The following POTEF variants were observed in gnomAD, a reference collection of about 807,000 sequenced individuals.
The protein encoded by POTEF is ANKRD26-like family C member 1B.
In POTEF, 20 loss-of-function variants were observed where a neutral mutation model predicts 83.2. That is an observed-to-expected ratio of 0.24 (90% CI 0.17 to 0.35). POTEF has a LOEUF of 0.35. POTEF is among the 10% of genes least tolerant of loss of function. POTEF has a pLI of 1.00. For synonymous variants in POTEF, 196 were observed against 446.4 expected (o/e 0.44, Z 7.07); for missense variants, 550 against 1,203.2 (o/e 0.46, Z 8.03).
chr2:130,090,749 G>T (rs1393193563), intron 12 of POTEF, among the ~76,000 whole-genome samples: 1 of 141,100 alleles, frequency 7.1e-6, no homozygotes, highest in East Asian at 2.1e-4. Flanking sequence ...GCATAACGAA[G>T]GCCAACATAG....
At chr2:130,125,324 TAG>T (rs1383566355) in intron 2 of POTEF, among the ~76,000 whole-genome samples, 1 of 148,176 alleles carries the variant, frequency 6.7e-6, no homozygotes, top group Non-Finnish European at 1.5e-5. Flanking sequence ...GACAAAAATT[TAG>T]ATATTATCTC....
At chr2:130,116,324 A>T (rs1684843513) in intron 3 of POTEF, among the ~76,000 whole-genome samples, 1 of 150,860 alleles carries the variant, frequency 6.6e-6, no homozygotes, top group Non-Finnish European at 1.5e-5. Flanking sequence ...AAACGGATTT[A>T]TGAAACGATT....
chr2:130,114,203 C>T (rs1042559003), intron 5 of POTEF, among the ~76,000 whole-genome samples: 11 of 150,916 alleles, frequency 7.3e-5, no homozygotes, highest in Admixed American at 1.3e-4. Flanking sequence ...AACCCACTAA[C>T]TCCCTCTCCC....
intron 8 of POTEF, among the ~76,000 whole-genome samples, chr2:130,107,106 G>A (rs3931948): frequency 0.52 from 70,069 of 135,118 alleles, 19,837 homozygotes; most frequent in Admixed American, 0.65. Flanking sequence ...TAGCATACTA[G>A]CATTTTTGTT....
chr2:130,104,097 G>GA (rs1200491002), intron 8 of POTEF, among the ~76,000 whole-genome samples: 2 of 150,198 alleles, frequency 1.3e-5, no homozygotes, highest in African/African-American at 5.0e-5. Context: ...AAGACAAGGT[G>GA]ACAGATAGCT....
intron 5 of POTEF, among the ~76,000 whole-genome samples, chr2:130,114,304 C>T (rs954086637): frequency 1.3e-5 from 2 of 151,852 alleles, no homozygotes; most frequent in African/African-American, 4.9e-5. Context: ...ACAACACACA[C>T]ACACACAACC....
intron 2 of POTEF, among the ~76,000 whole-genome samples, chr2:130,127,045 G>A (rs1168310934): frequency 6.6e-6 from 1 of 151,992 alleles, no homozygotes; most frequent in Non-Finnish European, 1.5e-5. Flanking sequence ...AAAATGGCCG[G>A]GAGTGGTGGC....
rs1350955512 is a variant in POTEF at position 130,108,011 on chromosome 2, G to A, written c.1124C>T (p.Pro375Leu). ...TAATTCACTATCACAAGTCTTACCT[G>A]GATTGCTGTTTTCAGAAGAGATTTT... is the stretch of plus-strand genomic sequence containing the variant. ...MLKISSENSN[P>L]EQDLKLTSEE... Residue 375 changes from proline to leucine, a missense_variant and splice_region_variant, in exon 8 of 17, where the codon CCA becomes CTA. Coordinates refer to ENST00000409914, the MANE Select transcript of POTEF (RefSeq NM_001099771.2). 5.6e-6 allele frequency: 9 copies of A among 1,608,124 alleles called. No individual in the cohort carries two copies. Among genetic ancestry groups the A allele is most frequent in the South Asian group, 5.5e-5 (5 of 90,254 alleles).
intron 3 of POTEF, among the ~76,000 whole-genome samples, chr2:130,118,271 A>G (rs535024114): frequency 3.3e-4 from 50 of 152,054 alleles, no homozygotes; most frequent in Non-Finnish European, 6.5e-4. Context: ...AATAGAAAAC[A>G]GTATTTCATT....
At chr2:130,103,098 CTTTCTT>C (rs1431774005) in intron 8 of POTEF, among the ~76,000 whole-genome samples, 3 of 122,432 alleles carry the variant, frequency 2.5e-5, no homozygotes, top group Admixed American at 1.0e-4. Context: ...ATTTTTCTTT[CTTTCTT>C]TTTTTTTTTT....
At chr2:130,105,145 G>T (rs1041531540) in intron 8 of POTEF, among the ~76,000 whole-genome samples, 1 of 139,186 alleles carries the variant, frequency 7.2e-6, no homozygotes, top group African/African-American at 2.8e-5. Context: ...TCATATTGAC[G>T]ATACCTCTCT....
intron 5 of POTEF, among the ~76,000 whole-genome samples, chr2:130,113,307 A>G (rs1684759907): frequency 8.6e-6 from 1 of 115,648 alleles, no homozygotes; most frequent in Non-Finnish European, 1.8e-5. Context: ...ACACCACTGC[A>G]TTCCAGCCTG....
intron 5 of POTEF, among the ~76,000 whole-genome samples, chr2:130,114,513 C>T (rs1004843861): frequency 3.7e-4 from 54 of 146,538 alleles, no homozygotes; most frequent in Middle Eastern, 6.9e-3. Flanking sequence ...TTCACTGAAA[C>T]ATGTTTAACT....
intron 5 of POTEF, among the ~76,000 whole-genome samples, chr2:130,112,862 ACT>A (rs1048416926): frequency 6.6e-6 from 1 of 151,260 alleles, no homozygotes; most frequent in African/African-American, 2.5e-5. Flanking sequence ...AATTGAGAAA[ACT>A]CTGCTCTTAA....
intron 2 of POTEF, among the ~76,000 whole-genome samples, chr2:130,126,771 T>C (rs1342343709): frequency 2.6e-5 from 4 of 151,828 alleles, no homozygotes; most frequent in African/African-American, 9.7e-5. Context: ...TACAACACAG[T>C]GACAATTTTG....
intron 3 of POTEF, among the ~76,000 whole-genome samples, chr2:130,116,221 T>C (rs1215471874): frequency 6.6e-6 from 1 of 151,534 alleles, no homozygotes; most frequent in Non-Finnish European, 1.5e-5. Context: ...GGGCTCATTT[T>C]TGTCAATACT....
intron 3 of POTEF, 51 bp downstream of exon 3, chr2:130,119,944 G>A: frequency 7.0e-7 from 1 of 1,431,436 alleles, no homozygotes; most frequent in Non-Finnish European, 9.4e-7. Flanking sequence ...AGGAGGGTAT[G>A]TCCCCATCAT....
At chr2:130,117,930 C>T (rs1221126164) in intron 3 of POTEF, among the ~76,000 whole-genome samples, 1 of 134,258 alleles carries the variant, frequency 7.4e-6, no homozygotes, top group African/African-American at 2.8e-5. Flanking sequence ...AACAGTATTT[C>T]ATTCCTTTTT....
intron 5 of POTEF, among the ~76,000 whole-genome samples, chr2:130,113,673 A>G (rs908599544): frequency 2.8e-5 from 4 of 140,700 alleles, no homozygotes; most frequent in Admixed American, 2.3e-4. Context: ...CTTCAAGGAA[A>G]CATTTTCAAA....
Sources: allele counts gnomAD v4.1 joint callset (sites outside exome capture counted in the v4.1 genomes callset), GRCh38; gene constraint gnomAD v4.1.1; transcripts MANE v1.5; gene names NCBI Gene and HGNC (gene_info 2026-07-23, HGNC 2026-07-21).